NRL: variants seen among roughly 807,000 people sequenced by gnomAD.
NRL encodes neural retina leucine zipper.
In NRL, 16 loss-of-function variants were observed where a neutral mutation model predicts 12.5. The observed-to-expected ratio is 1.28, with a 90% CI of 0.87 to 1.95. The LOEUF (loss-of-function observed/expected upper bound fraction) is 1.95. Ranked by LOEUF, NRL falls within the 30% of genes most tolerant of loss-of-function variation. The pLI is 0.00. For synonymous variants in NRL, 142 were observed against 150.9 expected, an observed-to-expected ratio of 0.94 and a Z score of 0.43; for missense variants, 314 against 325.8, an observed-to-expected ratio of 0.96 and a Z score of 0.28.
Position 24,081,813 on chromosome 14 carries a change from G to C in NRL, c.382-245C>G, listed in dbSNP as rs1195584101. The stretch of plus-strand genomic sequence containing the variant: ...CGCCCCACGGTGCAGGGCCGGCCAC[G>C]GTCAGGCGAGCCCGTCGCGCACCTA... On this transcript the variant is annotated intron_variant, in intron 2 of 2. Coordinates refer to ENST00000561028, the MANE Select transcript of NRL (RefSeq NM_001354768.3). This position sits in a 1 kb window ranked among gnomAD's most constrained non-coding sequence, Gnocchi z 4.4. 3 of 1,461,942 alleles carry C rather than the reference G, an allele frequency of 2.1e-6. No individual in the cohort carries two copies. The highest frequency in any genetic ancestry group is 9.0e-7 in the Non-Finnish European group (1 of 1,111,122). 90.6% of individuals were successfully genotyped at this position (1,461,942 alleles called of 1,614,324 possible). A position where few individuals can be genotyped will look rare whatever the true frequency, so the allele number is the denominator to read the frequency against.
chr14:24,103,615 A>C (rs955284017), intron 1 of NRL: 6 of 1,613,474 alleles, frequency 3.7e-6, no homozygotes, highest in Middle Eastern at 3.3e-4. Flanking sequence ...AAGGGGGCCC[A>C]GCTGCCCCGT....
intron 1 of NRL, among the ~76,000 whole-genome samples, chr14:24,091,279 T>C (rs973582101): frequency 3.9e-5 from 6 of 152,108 alleles, no homozygotes; most frequent in Non-Finnish European, 7.4e-5. Context: ...GCCTCCTGAG[T>C]AGCTGGGACT....
In NRL at chr14:24,080,058, C is replaced by G. The variant is rs1833776017; in HGVS notation, c.*1178G>C. On this transcript the variant is annotated 3_prime_UTR_variant, in exon 3 of 3. Coordinates refer to ENST00000561028, the MANE Select transcript of NRL (RefSeq NM_001354768.3). ...TCTTGCTCTCTCTCTCTCTCCCTCT[C>G]TCTCCCTCTCCCACACACAGACACA... The G allele has an allele frequency of 6.6e-6, 1 of 152,322 alleles. No individual in the cohort carries two copies. Among genetic ancestry groups the G allele is most frequent in the African/African-American group, 2.4e-5 (1 of 41,448 alleles). The allele number at this position is 152,322 out of a possible 1,614,324, so 9.4% of individuals were successfully genotyped here. A position where few individuals can be genotyped will look rare whatever the true frequency, so the allele number is the denominator to read the frequency against.
At chr14:24,097,885 C>T (rs548007091) in intron 1 of NRL, among the ~76,000 whole-genome samples, 3 of 152,238 alleles carry the variant, frequency 2.0e-5, no homozygotes, top group South Asian at 2.1e-4. Flanking sequence ...TGAGCCACTG[C>T]GCCCAGCCTA....
rs756699961 is a variant in NRL, at chr14:24,088,803, ATTTTTTT to A, written c.-27-5935_-27-5929del. On this transcript the variant is annotated intron_variant, in intron 1 of 2. Coordinates refer to ENST00000561028, the MANE Select transcript of NRL (RefSeq NM_001354768.3). ...AGACATGCACCACCATGCCTGGCTAATTTTTTTTTTTTTTTTTTTTTTCACAGAGTCT... is the reference window on the plus strand; with the variant it reads ...AGACATGCACCACCATGCCTGGCTAATTTTTTTTTTTTTTTCACAGAGTCT... 3.0e-4 allele frequency among the ~76,000 whole-genome samples: 32 copies of A among 106,418 alleles called. 1 individual carries two copies. Among genetic ancestry groups the A allele is most frequent in the African/African-American group, 1.2e-3 (30 of 25,974 alleles). 69.8% of individuals were successfully genotyped at this position (106,418 alleles called of 152,430 possible). A position where few individuals can be genotyped will look rare whatever the true frequency, so the allele number is the denominator to read the frequency against.
Position 24,094,822 on chromosome 14 carries a change from G to A in NRL, c.-27-11947C>T, listed in dbSNP as rs2036787341. The A allele has an allele frequency of 1.5e-6, 2 of 1,331,476 alleles. No homozygotes were observed. Among genetic ancestry groups the A allele is most frequent in the African/African-American group, 3.0e-5 (2 of 67,540 alleles). 82.5% of individuals were successfully genotyped at this position (1,331,476 alleles called of 1,614,324 possible). A position where few individuals can be genotyped will look rare whatever the true frequency, so the allele number is the denominator to read the frequency against. ...GCCAGCGCCCCAGGGTACTTCGAGA[G>A]GCAGCAGGGCCCTGGGGACAAGGGT... is the stretch of plus-strand genomic sequence containing the variant. On this transcript the variant is annotated intron_variant, in intron 1 of 2. Coordinates refer to ENST00000561028, the MANE Select transcript of NRL (RefSeq NM_001354768.3). The surrounding 1 kb of genome is among the most constrained non-coding windows in gnomAD (Gnocchi z 4.1).
Position 24,081,073 on chromosome 14 carries a change from C to A in NRL, c.*163G>T, listed in dbSNP as rs1435860839. On this transcript the variant is annotated 3_prime_UTR_variant, in exon 3 of 3. Coordinates refer to ENST00000561028, the MANE Select transcript of NRL (RefSeq NM_001354768.3). This position sits in a 1 kb window ranked among gnomAD's most constrained non-coding sequence, Gnocchi z 4.4. ...AAAATGACCAGCATCTAAATTCGGGCATGACTTGAGGACCCAAAAGCTTTG... is the reference window on the plus strand; with the variant it reads ...AAAATGACCAGCATCTAAATTCGGGAATGACTTGAGGACCCAAAAGCTTTG... 4.6e-6 allele frequency: 2 copies of A among 439,374 alleles called. No individual in the cohort carries two copies. Among genetic ancestry groups the A allele is most frequent in the East Asian group, 3.6e-5 (1 of 27,692 alleles). The allele number at this position is 439,374 out of a possible 1,614,324, so 27.2% of individuals were successfully genotyped here.
chr14:24,082,587 A>T lies in NRL; in HGVS notation c.262T>A (p.Leu88Met). Residue 88 changes from leucine (L) to methionine (M), a missense_variant, in exon 2 of 3, where the codon TTG (leucine) becomes ATG (methionine). By Grantham distance (15) the Leu-to-Met change is conservative. Transcript: ENST00000561028. The stretch of plus-strand genomic sequence containing the variant: ...ATGGCCTCTTCAGGACTCAGCCCCA[A>T]TGCCTCCCCAGCCCCCAGCTGCTGC... The part of the protein sequence containing the change: ...LQQQLGAGEA[L>M]GLSPEEAMEL... 3 of 1,613,714 alleles carry T rather than the reference A, an allele frequency of 1.9e-6. No individual in the cohort carries two copies. The South Asian group carries it at 3.3e-5, about 18-fold the overall frequency.
At position 24,094,983 on chromosome 14, in the gene NRL, G is replaced by A. The variant is rs7156025; in HGVS notation, c.-27-12108C>T. On this transcript the variant is annotated intron_variant, in intron 1 of 2. Transcript: ENST00000561028. The surrounding 1 kb of genome is among the most constrained non-coding windows in gnomAD (Gnocchi z 4.1). ...GAGCAGCCCGAGGGACCTGGGCCCAGGGGAGGGAGGCAAGCAAGGTGGGAG... is the reference window on the plus strand; with the variant it reads ...GAGCAGCCCGAGGGACCTGGGCCCAAGGGAGGGAGGCAAGCAAGGTGGGAG... 82 of 626,772 alleles carry A rather than the reference G, an allele frequency of 1.3e-4. No homozygotes were observed. In the African/African-American group the frequency reaches 1.4e-3, roughly 11 times the overall value. 38.8% of individuals were successfully genotyped at this position (626,772 alleles called of 1,614,324 possible).
chr14:24,084,538 G>A lies in NRL; in HGVS notation c.-27-1663C>T, dbSNP rs2036417721. 1.0e-6 allele frequency: 1 copy of A among 985,454 alleles called. No individual in the cohort carries two copies. 61.0% of individuals were successfully genotyped at this position (985,454 alleles called of 1,614,324 possible). ...TACTCACTTCAGAAATGGCCGAGAG[G>A]ATGTGGTCAGTGCCAGAGCCAGACA... On this transcript the variant is annotated intron_variant, in intron 1 of 2. Coordinates refer to ENST00000561028, the MANE Select transcript of NRL (RefSeq NM_001354768.3).
chr14:24,084,696 T>C, intron 1 of NRL: 1 of 985,522 alleles, frequency 1.0e-6, no homozygotes, highest in Non-Finnish European at 1.2e-6. Context: ...TCTGTGGTCC[T>C]GAGGCCTCCA....
At chr14:24,103,522 T>G in intron 1 of NRL, 1 of 1,553,832 alleles carries the variant, frequency 6.4e-7, no homozygotes, top group Non-Finnish European at 8.7e-7. Flanking sequence ...AAGATCATCA[T>G]GCACGACCCA....
At chr14:24,103,086 C>T in intron 1 of NRL, 1 of 1,299,630 alleles carries the variant, frequency 7.7e-7, no homozygotes, top group Admixed American at 1.8e-5. Context: ...GAGTACCAGT[C>T]AAGCTCACCA....
intron 1 of NRL, among the ~76,000 whole-genome samples, chr14:24,089,232 G>A (rs1288127689): frequency 4.0e-5 from 6 of 151,204 alleles, no homozygotes; most frequent in East Asian, 2.0e-4. Context: ...CCACTGCGCC[G>A]ACCCTGAGTT....
intron 1 of NRL, chr14:24,095,085 C>G: frequency 2.2e-6 from 1 of 456,160 alleles, no homozygotes; most frequent in South Asian, 1.5e-5. Context: ...CAGGCTCGTC[C>G]TGTTTGTCTG....
chr14:24,094,680 CTCTA>C lies in NRL; in HGVS notation c.-27-11809_-27-11806del, dbSNP rs1373926639. The C allele has an allele frequency of 2.6e-6, 4 of 1,517,740 alleles. No individual in the cohort carries two copies. In the East Asian group the frequency reaches 9.9e-5, roughly 38 times the overall value. 94.0% of individuals were successfully genotyped at this position (1,517,740 alleles called of 1,614,324 possible). Reference sequence around the variant, plus strand: ...CCTCGCTCGCCTCTGACCGCGCGATCTCTATCTGCCACTCTCAGAACTTCCTCTC... The same window carrying C: ...CCTCGCTCGCCTCTGACCGCGCGATCTCTGCCACTCTCAGAACTTCCTCTC... On this transcript the variant is annotated intron_variant, in intron 1 of 2. Transcript: ENST00000561028. This position sits in a 1 kb window ranked among gnomAD's most constrained non-coding sequence, Gnocchi z 4.1.
rs77298044 is a variant in NRL at position 24,094,411 on chromosome 14, C to T, written c.-27-11536G>A. The T allele has an allele frequency of 0.031, 48,894 of 1,559,660 alleles. 922 individuals carry two copies. Among genetic ancestry groups the T allele is most frequent in the Non-Finnish European group, 0.038 (43,416 of 1,157,178 alleles). ...GCAGCCCCTGCCCAGGTGCCATGGC[C>T]GCATTGTACCGCCCTGGCCTGCGGT... On this transcript the variant is annotated intron_variant, in intron 1 of 2. Transcript: ENST00000561028. The surrounding 1 kb of genome is among the most constrained non-coding windows in gnomAD (Gnocchi z 4.1).
rs2036214757 is a variant in NRL at position 24,079,522 on chromosome 14, TGA to T, written c.*1712_*1713del. ...AAGGGAGAGGAGACGAGAGAAATTC[TGA>T]GAGCGATGGAGGAGAGGACTCCCAT... On this transcript the variant is annotated 3_prime_UTR_variant, in exon 3 of 3. Coordinates refer to ENST00000561028, the MANE Select transcript of NRL (RefSeq NM_001354768.3). Among the ~76,000 whole-genome samples the T allele has an allele frequency of 6.6e-6, 1 of 151,890 alleles. No homozygotes were observed. The highest frequency in any genetic ancestry group is 2.1e-4 in the South Asian group (1 of 4,822).
chr14:24,100,285 C>A, intron 1 of NRL: 1 of 1,575,366 alleles, frequency 6.3e-7, no homozygotes, highest in South Asian at 1.2e-5. Flanking sequence ...GCTTTCTCCA[C>A]AACCTCCAAC....
Sources: allele counts gnomAD v4.1 joint callset (sites outside exome capture counted in the v4.1 genomes callset), GRCh38; gene constraint gnomAD v4.1.1; non-coding constraint Gnocchi (gnomAD v3.1); transcripts MANE v1.5; gene names NCBI Gene and HGNC (gene_info 2026-07-23, HGNC 2026-07-21).